LEPROTL1: variants seen among roughly 807,000 people sequenced by gnomAD.
LEPROTL1 encodes the protein leptin receptor overlapping transcript like 1.
Under a neutral mutation model 15.4 loss-of-function variants are expected in LEPROTL1, and 6 were observed. That is an observed-to-expected ratio of 0.39 (90% CI 0.21 to 0.77). The LOEUF (loss-of-function observed/expected upper bound fraction) is 0.77, where lower values mean the gene tolerates loss of function less well. Among genes scored for constraint, LEPROTL1 ranks in the 30% least tolerant of loss-of-function variants. The pLI, the probability that LEPROTL1 is intolerant of heterozygous loss-of-function variation, is 0.41. For synonymous variants in LEPROTL1, 56 were observed against 52.6 expected, an observed-to-expected ratio of 1.06 and a Z score of -0.28; for missense variants, 128 against 158.1, an observed-to-expected ratio of 0.81 and a Z score of 1.02.
At chr8:30,112,446 C>CACAGGGTT (rs1223944200), downstream of LEPROTL1, among the ~76,000 whole-genome samples, 6 of 42,206 alleles carry the variant, frequency 1.4e-4, no homozygotes, top group South Asian at 5.0e-3. Flanking sequence ...TTTTGGTAGG[C>CACAGGGTT]ACAGGGTTTC....
chr8:30,106,696 A>G lies in LEPROTL1; in HGVS notation c.*834A>G. On this transcript the variant is annotated 3_prime_UTR_variant, in exon 4 of 4. Transcript: ENST00000321250. Reference sequence around the variant, plus strand: ...GTTTTTGAATCCTGTTTCTATTTATAAGTGAAATTTGTGATCTCCTATCAA... The same window carrying G: ...GTTTTTGAATCCTGTTTCTATTTATGAGTGAAATTTGTGATCTCCTATCAA... 1.0e-6 allele frequency: 1 copy of G among 984,742 alleles called. No homozygotes were observed. Among genetic ancestry groups the G allele is most frequent in the Non-Finnish European group, 1.2e-6 (1 of 828,940 alleles). 61.0% of individuals were successfully genotyped at this position (984,742 alleles called of 1,614,324 possible).
chr8:30,130,620 C>T (rs1318428517), intron 3 of LEPROTL1, among the ~76,000 whole-genome samples: 2 of 152,022 alleles, frequency 1.3e-5, no homozygotes, highest in African/African-American at 4.8e-5. Context: ...GTGTTTACTT[C>T]CTGTTATTGA....
At chr8:30,112,589 G>A (rs939112515), downstream of LEPROTL1, among the ~76,000 whole-genome samples, 2 of 151,344 alleles carry the variant, frequency 1.3e-5, no homozygotes, top group African/African-American at 4.9e-5. Flanking sequence ...TTCCTGGAGG[G>A]TTTACATGGT....
At chr8:30,120,961 C>T (rs1802819804) in intron 3 of LEPROTL1, among the ~76,000 whole-genome samples, 1 of 152,202 alleles carries the variant, frequency 6.6e-6, no homozygotes, top group African/African-American at 2.4e-5. Context: ...TCTCGCATGA[C>T]AAACTCTACT....
rs996027341 is a variant in LEPROTL1 at position 30,106,362 on chromosome 8, C to T, written c.*500C>T. ...TCCCAATGTTATGCAGACATACAGA[C>T]GGTTGGCATACGTTATAGACTGTAT... On this transcript the variant is annotated 3_prime_UTR_variant, in exon 4 of 4. Coordinates refer to ENST00000321250, the MANE Select transcript of LEPROTL1 (RefSeq NM_015344.3). The T allele has an allele frequency of 1.3e-5, 13 of 986,228 alleles. No individual in the cohort carries two copies. Among genetic ancestry groups the T allele is most frequent in the African/African-American group, 5.2e-5 (3 of 57,336 alleles). The allele number at this position is 986,228 out of a possible 1,614,324, so 61.1% of individuals were successfully genotyped here.
chr8:30,101,670 CAAAAAAAA>C (rs11316779), intron 1 of LEPROTL1, among the ~76,000 whole-genome samples: 2 of 52,700 alleles, frequency 3.8e-5, no homozygotes, highest in African/African-American at 1.4e-4. Context: ...CTCCATCTCA[CAAAAAAAA>C]AAAAAAAAAA....
chr8:30,136,414 A>G (rs1038289679), intron 4 of LEPROTL1, among the ~76,000 whole-genome samples: 1 of 152,178 alleles, frequency 6.6e-6, no homozygotes, highest in Non-Finnish European at 1.5e-5. Flanking sequence ...CGTCATCATC[A>G]GTGACTTCCA....
In LEPROTL1 at chr8:30,106,756, A is replaced by G. The variant is rs1353195857; in HGVS notation, c.*894A>G. The G allele has an allele frequency of 4.1e-6, 4 of 984,876 alleles. No individual in the cohort carries two copies. Among genetic ancestry groups the G allele is most frequent in the Middle Eastern group, 5.2e-4 (1 of 1,934 alleles). 61.0% of individuals were successfully genotyped at this position (984,876 alleles called of 1,614,324 possible). ...TTTTACCCTGTTAAAATGGACATACATGGAACCACTACTGATGAGGGACAG... is the reference window on the plus strand; with the variant it reads ...TTTTACCCTGTTAAAATGGACATACGTGGAACCACTACTGATGAGGGACAG... On this transcript the variant is annotated 3_prime_UTR_variant, in exon 4 of 4. Transcript: ENST00000321250.
At chr8:30,098,700 A>G (rs1197352769) in intron 1 of LEPROTL1, among the ~76,000 whole-genome samples, 2 of 152,224 alleles carry the variant, frequency 1.3e-5, no homozygotes, top group Non-Finnish European at 2.9e-5. Flanking sequence ...GTTAGTAACT[A>G]TTAGGGCCTT....
chr8:30,124,576 C>T (rs1228367427), intron 3 of LEPROTL1, among the ~76,000 whole-genome samples: 2 of 152,178 alleles, frequency 1.3e-5, no homozygotes, highest in Middle Eastern at 3.4e-3. Context: ...AACAATAAAG[C>T]TTTACTATCC....
At chr8:30,131,813 G>T in intron 3 of LEPROTL1, 1 of 1,065,156 alleles carries the variant, frequency 9.4e-7, no homozygotes. Context: ...GCAAGTCACT[G>T]GGTATATCCA....
At position 30,105,946 on chromosome 8, in the gene LEPROTL1, T is replaced by A. The variant is rs1450277335; in HGVS notation, c.*84T>A. 1 of 1,386,004 alleles carries A rather than the reference T, an allele frequency of 7.2e-7. No individual in the cohort carries two copies. Among genetic ancestry groups the A allele is most frequent in the African/African-American group, 1.5e-5 (1 of 66,688 alleles). 85.9% of individuals were successfully genotyped at this position (1,386,004 alleles called of 1,614,324 possible). On this transcript the variant is annotated 3_prime_UTR_variant, in exon 4 of 4. Coordinates refer to ENST00000321250, the MANE Select transcript of LEPROTL1 (RefSeq NM_015344.3). ...ACACAGGAGATGGGGCAGTTAATGC[T>A]GAATGGTATAGCAAGCCTCTTGGGG... is the stretch of plus-strand genomic sequence containing the variant.
At chr8:30,095,559 T>G in intron 1 of LEPROTL1, 31 bp downstream of exon 1, 1 of 1,359,886 alleles carries the variant, frequency 7.4e-7, no homozygotes, top group Non-Finnish European at 9.5e-7. Flanking sequence ...GCGGGAGGGC[T>G]GGGGCCGGCG....
At position 30,102,057 on chromosome 8, in the gene LEPROTL1, G is replaced by A. The variant is rs1489014382; in HGVS notation, c.92+84G>A. ...CTTAAAAAAATGTTTTTTTACTACTGTAAAAGTAATGCAGAGAAATGTTCA... is the reference window on the plus strand; with the variant it reads ...CTTAAAAAAATGTTTTTTTACTACTATAAAAGTAATGCAGAGAAATGTTCA... On this transcript the variant is annotated intron_variant, in intron 2 of 3. Coordinates refer to ENST00000321250, the MANE Select transcript of LEPROTL1 (RefSeq NM_015344.3). 7 of 750,824 alleles carry A rather than the reference G, an allele frequency of 9.3e-6. No individual in the cohort carries two copies. In the East Asian group the frequency reaches 1.7e-4, roughly 18 times the overall value. The allele number at this position is 750,824 out of a possible 1,614,324, so 46.5% of individuals were successfully genotyped here. A position where few individuals can be genotyped will look rare whatever the true frequency, so the allele number is the denominator to read the frequency against.
At chr8:30,113,280 AAAAC>A (rs1381197452), downstream of LEPROTL1, among the ~76,000 whole-genome samples, 12 of 145,440 alleles carry the variant, frequency 8.3e-5, no homozygotes, top group East Asian at 3.9e-4. Flanking sequence ...TCACAAAAAC[AAAAC>A]AAACAAAGAA....
chr8:30,132,276 C>T (rs1466537760), intron 3 of LEPROTL1: 2 of 1,551,766 alleles, frequency 1.3e-6, no homozygotes, highest in Admixed American at 2.0e-5. Context: ...GCAACAACGG[C>T]CAAGCCCTGC....
chr8:30,121,079 G>C (rs1288387104), intron 3 of LEPROTL1, among the ~76,000 whole-genome samples: 1 of 151,836 alleles, frequency 6.6e-6, no homozygotes, highest in Non-Finnish European at 1.5e-5. Flanking sequence ...TGTTCTTCTG[G>C]GACTGGTTGA....
chr8:30,104,544 TCAAG>T, intron 3 of LEPROTL1, 58 bp downstream of exon 3: 1 of 1,222,592 alleles, frequency 8.2e-7, no homozygotes. Context: ...TACATTTTTC[TCAAG>T]CAAAGTTTTT....
chr8:30,131,323 C>G (rs908741574), intron 3 of LEPROTL1, among the ~76,000 whole-genome samples: 1 of 138,632 alleles, frequency 7.2e-6, no homozygotes, highest in Non-Finnish European at 1.6e-5. Flanking sequence ...TATATATATA[C>G]ACATATATAT....
Sources: gnomAD v4.1 joint callset for allele counts (sites outside exome capture counted in the v4.1 genomes callset) on GRCh38, gnomAD v4.1.1 for gene constraint, MANE v1.5 for transcripts, NCBI Gene and HGNC (gene_info 2026-07-23, HGNC 2026-07-21) for gene names.